DPP10: variants seen among roughly 807,000 people sequenced by gnomAD.
DPP10 encodes the protein inactive dipeptidyl peptidase 10.
DPP10 carries 33 observed loss-of-function variants against 120.9 expected under a neutral mutation model. That is an observed-to-expected ratio of 0.27 (90% CI 0.21 to 0.37). The LOEUF (loss-of-function observed/expected upper bound fraction) is 0.37. DPP10 is among the 10% of genes least tolerant of loss of function. The probability of loss-of-function intolerance (pLI) is 1.00; values close to 1 mark genes in which losing one functional copy is unlikely to be tolerated. For synonymous variants in DPP10, 337 were observed against 326.1 expected, an observed-to-expected ratio of 1.03 and a Z score of -0.36; for missense variants, 816 against 942.8, an observed-to-expected ratio of 0.87 and a Z score of 1.76.
At chr2:114,551,658 C>T (rs1687896219) in intron 1 of DPP10, among the ~76,000 whole-genome samples, 1 of 152,154 alleles carries the variant, frequency 6.6e-6, no homozygotes, top group Non-Finnish European at 1.5e-5. Flanking sequence ...GATGCTACTA[C>T]ATCAGAGGCC....
At chr2:115,772,883 C>T (rs1681647047) in intron 13 of DPP10, among the ~76,000 whole-genome samples, 1 of 152,122 alleles carries the variant, frequency 6.6e-6, no homozygotes, top group African/African-American at 2.4e-5. Context: ...AGGAATGGCC[C>T]TGTCACCTTC....
chr2:115,268,853 CT>C (rs2059569982), intron 1 of DPP10, among the ~76,000 whole-genome samples: 1 of 152,020 alleles, frequency 6.6e-6, no homozygotes, highest in Admixed American at 6.6e-5. Context: ...TATCCAGTGC[CT>C]TTTAAGAAGC....
chr2:114,930,817 G>T (rs1244406079), intron 1 of DPP10, among the ~76,000 whole-genome samples: 1 of 152,078 alleles, frequency 6.6e-6, no homozygotes, highest in African/African-American at 2.4e-5. Context: ...GGTGAGAGAG[G>T]AAGAATAAAA....
intron 2 of DPP10, among the ~76,000 whole-genome samples, chr2:115,340,051 G>A (rs1035309627): frequency 1.3e-5 from 2 of 152,124 alleles, no homozygotes; most frequent in African/African-American, 2.4e-5. Flanking sequence ...TGAATGAAGA[G>A]TACACAGACT....
chr2:114,673,667 G>T (rs1018085653), intron 1 of DPP10, among the ~76,000 whole-genome samples: 1 of 152,044 alleles, frequency 6.6e-6, no homozygotes, highest in Non-Finnish European at 1.5e-5. Context: ...TGTTGGCCAG[G>T]CTGGTCTCAA....
chr2:115,589,533 TATAAC>T (rs1413630920), intron 5 of DPP10, among the ~76,000 whole-genome samples: 3 of 152,180 alleles, frequency 2.0e-5, no homozygotes, highest in African/African-American at 7.2e-5. Flanking sequence ...TTTTTACAAA[TATAAC>T]TTATGAACAA....
intron 19 of DPP10, among the ~76,000 whole-genome samples, chr2:115,799,902 C>A (rs1381174663): frequency 1.3e-5 from 2 of 152,012 alleles, no homozygotes; most frequent in Non-Finnish European, 2.9e-5. Flanking sequence ...CATACGTGTG[C>A]ATGTGTCTTT....
At chr2:115,712,687 G>A (rs1407292955) in intron 7 of DPP10, among the ~76,000 whole-genome samples, 1 of 149,656 alleles carries the variant, frequency 6.7e-6, no homozygotes, top group South Asian at 2.1e-4. Flanking sequence ...TGTAAGACAA[G>A]AGACAAAACC....
intron 1 of DPP10, among the ~76,000 whole-genome samples, chr2:114,563,299 G>A (rs1423319547): frequency 6.6e-6 from 1 of 151,900 alleles, no homozygotes; most frequent in Non-Finnish European, 1.5e-5. Flanking sequence ...TTGAACCTGG[G>A]AGGCAGAGGT....
chr2:115,749,927 A>G (rs1678491087), intron 10 of DPP10: 1 of 946,828 alleles, frequency 1.1e-6, no homozygotes. Flanking sequence ...CAGACCACCC[A>G]GCTGATAGAA....
At chr2:115,688,218 G>A (rs1010180955) in intron 5 of DPP10, among the ~76,000 whole-genome samples, 16 of 152,084 alleles carry the variant, frequency 1.1e-4, no homozygotes, top group Non-Finnish European at 2.2e-4. Flanking sequence ...TATCACAAAG[G>A]CAATCTCAGA....
chr2:115,777,794 C>A lies in DPP10; in HGVS notation c.1321C>A (p.Leu441Met). The A allele has an allele frequency of 6.2e-7, 1 of 1,613,234 alleles. No individual in the cohort carries two copies. The highest frequency in any genetic ancestry group is 8.5e-7 in the Non-Finnish European group (1 of 1,179,422). ...YDETTQKIYF[L>M]STESSPRGRQ... Reference sequence around the variant, plus strand: ...GTTTTCTTTCCTGGACAGTTACTTTCTGAGCACTGAATCTTCTCCCAGAGG... The same window carrying A: ...GTTTTCTTTCCTGGACAGTTACTTTATGAGCACTGAATCTTCTCCCAGAGG... The change falls in exon 15 of 26, where the codon CTG (leucine) becomes ATG (methionine). Residue 441 changes from leucine to methionine, a missense_variant. Physicochemically the swap from Leu to Met is conservative, Grantham distance 15. This residue lies in a region of DPP10 where 592 missense variants were observed against 649.0 expected (regional missense o/e 0.91). Coordinates refer to ENST00000410059, the MANE Select transcript of DPP10 (RefSeq NM_020868.6).
At chr2:115,065,736 A>C (rs1706782483) in intron 1 of DPP10, 1 of 151,572 alleles carries the variant, frequency 6.6e-6, no homozygotes, top group South Asian at 2.1e-4. Context: ...ATTTCAAGGG[A>C]TTTTGGAAAG....
chr2:115,468,096 A>G (rs2074444264), intron 3 of DPP10: 3 of 469,864 alleles, frequency 6.4e-6, no homozygotes, highest in South Asian at 1.6e-5. Flanking sequence ...AAGGTAGAGG[A>G]TGTCCTCAAG....
At chr2:115,292,142 C>G (rs1185529286) in intron 1 of DPP10, among the ~76,000 whole-genome samples, 1 of 152,052 alleles carries the variant, frequency 6.6e-6, no homozygotes, top group Non-Finnish European at 1.5e-5. Flanking sequence ...GCAGTGGTAA[C>G]TAGTCTAATT....
intron 3 of DPP10, among the ~76,000 whole-genome samples, chr2:115,408,700 A>G (rs1262837077): frequency 6.6e-6 from 1 of 152,182 alleles, no homozygotes; most frequent in Non-Finnish European, 1.5e-5. Flanking sequence ...TTGAAAATTA[A>G]TCATAAAGTT....
chr2:115,176,466 G>A (rs2053699135), intron 1 of DPP10, among the ~76,000 whole-genome samples: 1 of 151,604 alleles, frequency 6.6e-6, no homozygotes, highest in South Asian at 2.1e-4. Flanking sequence ...GTTTATTAAA[G>A]TTAAGAGACT....
intron 5 of DPP10, among the ~76,000 whole-genome samples, chr2:115,668,710 C>T (rs2089648225): frequency 1.3e-5 from 2 of 152,110 alleles, no homozygotes; most frequent in Non-Finnish European, 2.9e-5. Context: ...AAATTCAGAT[C>T]TCCCATGTGC....
chr2:115,736,637 T>C (rs1408650198), intron 8 of DPP10, among the ~76,000 whole-genome samples: 1 of 152,168 alleles, frequency 6.6e-6, no homozygotes, highest in Non-Finnish European at 1.5e-5. Flanking sequence ...AAGGTTTTCA[T>C]ATAATTCATG....
Sources: gnomAD v4.1 joint callset for allele counts (sites outside exome capture counted in the v4.1 genomes callset) on GRCh38, gnomAD v4.1.1 for gene constraint, gnomAD v4.1.1 regional missense constraint, MANE v1.5 for transcripts, NCBI Gene and HGNC (gene_info 2026-07-23, HGNC 2026-07-21) for gene names.